MIPEP: variants seen among roughly 807,000 people sequenced by gnomAD.
The protein encoded by MIPEP is mitochondrial intermediate peptidase.
Under a neutral mutation model 90.3 loss-of-function variants are expected in MIPEP, and 79 were observed. That is an observed-to-expected ratio of 0.87 (90% confidence interval 0.73 to 1.05). The LOEUF (loss-of-function observed/expected upper bound fraction) is 1.05. MIPEP is among the 50% of genes least tolerant of loss of function. The pLI is 0.00. For synonymous variants in MIPEP, 334 were observed against 315.8 expected (o/e 1.06, Z -0.61); for missense variants, 940 against 905.6 (o/e 1.04, Z -0.49).
At chr13:23,749,455 A>G (rs145313704) in intron 18 of MIPEP, among the ~76,000 whole-genome samples, 2 of 152,344 alleles carry the variant, frequency 1.3e-5, no homozygotes, top group East Asian at 3.9e-4. Flanking sequence ...CAATTTGAAT[A>G]AACGTGTCAT....
intron 14 of MIPEP, among the ~76,000 whole-genome samples, chr13:23,822,991 T>C (rs1484087484): frequency 1.3e-5 from 2 of 151,742 alleles, no homozygotes; most frequent in African/African-American, 2.4e-5. Context: ...TTCCTGGAAA[T>C]ACAGAATCCT....
intron 15 of MIPEP, 136 bp from the exon 16 acceptor site, chr13:23,806,205 A>G (rs887998504): frequency 1.4e-5 from 12 of 843,034 alleles, no homozygotes; most frequent in Non-Finnish European, 2.3e-5. Flanking sequence ...ATAAACTTAC[A>G]TGGTTTGAAA....
chr13:23,868,743 G>T (rs1007571466), intron 7 of MIPEP, among the ~76,000 whole-genome samples: 4 of 152,120 alleles, frequency 2.6e-5, no homozygotes, highest in Non-Finnish European at 5.9e-5. Context: ...TATTATTATT[G>T]TGTAACATTT....
intron 17 of MIPEP, among the ~76,000 whole-genome samples, chr13:23,759,642 A>G (rs1952518984): frequency 6.6e-6 from 1 of 152,148 alleles, no homozygotes; most frequent in African/African-American, 2.4e-5. Context: ...AGATTGGGAA[A>G]GCAGGACTAC....
intron 18 of MIPEP, among the ~76,000 whole-genome samples, chr13:23,734,688 T>C (rs1421387272): frequency 6.6e-6 from 1 of 152,060 alleles, no homozygotes; most frequent in Non-Finnish European, 1.5e-5. Context: ...CGAGGACCCT[T>C]AGATCAACCC....
chr13:23,809,538 T>A (rs1320741806), intron 15 of MIPEP, among the ~76,000 whole-genome samples: 1 of 152,058 alleles, frequency 6.6e-6, no homozygotes, highest in African/African-American at 2.4e-5. Context: ...AGAGATGGGG[T>A]TTCACCGTGT....
chr13:23,810,279 T>G (rs1351154005), intron 14 of MIPEP, among the ~76,000 whole-genome samples: 4 of 152,238 alleles, frequency 2.6e-5, no homozygotes, highest in African/African-American at 9.6e-5. Flanking sequence ...CTCTTGACTT[T>G]TAAGTGCATA....
At chr13:23,864,735 CAAAAAAA>C (rs373133876) in intron 7 of MIPEP, among the ~76,000 whole-genome samples, 1 of 85,268 alleles carries the variant, frequency 1.2e-5, no homozygotes, top group South Asian at 4.3e-4. Context: ...GACTCCATCT[CAAAAAAA>C]AAAAAAAAAA....
At chr13:23,888,249 G>C (rs905669072) in intron 1 of MIPEP, 2 of 255,418 alleles carry the variant, frequency 7.8e-6, no homozygotes, top group Non-Finnish European at 1.6e-5. Context: ...CCTTAAGGAA[G>C]GTGGTGTAGC....
chr13:23,755,980 T>C (rs1952487370), intron 18 of MIPEP, among the ~76,000 whole-genome samples: 1 of 152,112 alleles, frequency 6.6e-6, no homozygotes, highest in Non-Finnish European at 1.5e-5. Flanking sequence ...TAAGAGTTTA[T>C]GACAAATAAA....
rs959294654 is a variant in MIPEP at position 23,879,374 on chromosome 13, A to T, written c.453-20T>A. ...TTCAACCTAGAAAAAATAGAAATTTAAAAAATTAGATGATTTTCTAATACC... is the reference window on the plus strand; with the variant it reads ...TTCAACCTAGAAAAAATAGAAATTTTAAAAATTAGATGATTTTCTAATACC... On this transcript the variant is annotated intron_variant, in intron 3 of 18. Transcript: ENST00000382172. The T allele has an allele frequency of 3.1e-6, 4 of 1,288,512 alleles. No individual in the cohort carries two copies. Among genetic ancestry groups the T allele is most frequent in the African/African-American group, 3.0e-5 (2 of 67,722 alleles). 79.8% of individuals were successfully genotyped at this position (1,288,512 alleles called of 1,614,324 possible). A position where few individuals can be genotyped will look rare whatever the true frequency, so the allele number is the denominator to read the frequency against.
At chr13:23,858,715 T>C in intron 10 of MIPEP, 145 bp downstream of exon 10, 1 of 668,718 alleles carries the variant, frequency 1.5e-6, no homozygotes, top group Non-Finnish European at 2.7e-6. Flanking sequence ...GAAGAATACA[T>C]GAGTGGAGCA....
At chr13:23,839,773 C>T (rs550881088) in intron 11 of MIPEP, 47 bp from the exon 12 acceptor site, 1 of 1,348,050 alleles carries the variant, frequency 7.4e-7, no homozygotes, top group Non-Finnish European at 1.0e-6. Context: ...CCATCTGATT[C>T]TCTAAAATCC....
intron 18 of MIPEP, among the ~76,000 whole-genome samples, chr13:23,753,634 G>A (rs1406509811): frequency 6.6e-6 from 1 of 152,160 alleles, no homozygotes; most frequent in East Asian, 1.9e-4. Flanking sequence ...TGAATGTAAA[G>A]CAAACATCAG....
At chr13:23,888,134 GTT>G in intron 1 of MIPEP, 1 of 437,960 alleles carries the variant, frequency 2.3e-6, no homozygotes, top group Non-Finnish European at 4.5e-6. Flanking sequence ...GCTAAAATTA[GTT>G]ATATCTCATC....
chr13:23,838,507 C>T (rs769945317), intron 12 of MIPEP, among the ~76,000 whole-genome samples: 2 of 152,066 alleles, frequency 1.3e-5, no homozygotes, highest in Admixed American at 6.6e-5. Context: ...GCAAGGGATC[C>T]GGAGCCAGAA....
intron 16 of MIPEP, among the ~76,000 whole-genome samples, chr13:23,778,711 G>C (rs1037353784): frequency 1.0e-4 from 6 of 59,728 alleles, no homozygotes; most frequent in African/African-American, 2.9e-4. Context: ...TTATTATACT[G>C]ACAATAATAA....
intron 16 of MIPEP, among the ~76,000 whole-genome samples, chr13:23,796,371 C>T (rs1353953558): frequency 1.3e-5 from 2 of 152,006 alleles, no homozygotes; most frequent in South Asian, 2.1e-4. Flanking sequence ...AAGCTGGCAT[C>T]GTTCCACTGC....
intron 10 of MIPEP, among the ~76,000 whole-genome samples, chr13:23,848,455 T>C (rs951191018): frequency 6.6e-6 from 1 of 152,164 alleles, no homozygotes; most frequent in Admixed American, 6.5e-5. Context: ...GCATGACAAC[T>C]CCTCAGTGTG....
Sources: allele counts gnomAD v4.1 joint callset (sites outside exome capture counted in the v4.1 genomes callset), GRCh38; gene constraint gnomAD v4.1.1; transcripts MANE v1.5; gene names NCBI Gene and HGNC (gene_info 2026-07-23, HGNC 2026-07-21).